Variants in HNF4G observed in about 807,000 individuals in gnomAD.
HNF4G encodes the protein hepatocyte nuclear factor 4-gamma.
Under a neutral mutation model 50.9 loss-of-function variants are expected in HNF4G, and 21 were observed. That is an observed-to-expected ratio of 0.41 (90% CI 0.29 to 0.59). The LOEUF (loss-of-function observed/expected upper bound fraction) is 0.59. Ranked by LOEUF, HNF4G falls within the 20% of genes least tolerant of loss-of-function variation. The pLI is 0.26. For synonymous variants in HNF4G, 198 were observed against 185.6 expected, an observed-to-expected ratio of 1.07 and a Z score of -0.54; for missense variants, 527 against 559.4, an observed-to-expected ratio of 0.94 and a Z score of 0.58.
chr8:75,445,440 T>G (rs1406331572), intron 1 of HNF4G, among the ~76,000 whole-genome samples: 1 of 10,434 alleles, frequency 9.6e-5, no homozygotes, highest in Non-Finnish European at 2.0e-4. Context: ...AGAGCAGAAC[T>G]GAAGGAAATA....
At chr8:75,546,965 G>T (rs2130794200) in intron 2 of HNF4G, among the ~76,000 whole-genome samples, 1 of 152,226 alleles carries the variant, frequency 6.6e-6, no homozygotes, top group Middle Eastern at 3.4e-3. Context: ...CAAAGCAGCT[G>T]CATCATTTAA....
At chr8:75,497,754 G>C (rs781276097) in intron 2 of HNF4G, among the ~76,000 whole-genome samples, 3 of 151,634 alleles carry the variant, frequency 2.0e-5, no homozygotes, top group African/African-American at 7.3e-5. Context: ...ATCATTATAA[G>C]ATTCCTAGAA....
At chr8:75,508,713 C>T (rs145939498) in intron 2 of HNF4G, among the ~76,000 whole-genome samples, 1 of 152,196 alleles carries the variant, frequency 6.6e-6, no homozygotes, top group East Asian at 1.9e-4. Flanking sequence ...GGAGCCGTAA[C>T]CACGTAGGCA....
At chr8:75,411,710 C>T (rs573130848) in intron 1 of HNF4G, among the ~76,000 whole-genome samples, 2 of 152,196 alleles carry the variant, frequency 1.3e-5, no homozygotes, top group South Asian at 2.1e-4. Context: ...TGGGAAGCTG[C>T]GTGGTGTATA....
At chr8:75,484,681 A>G (rs773186022) in intron 1 of HNF4G, among the ~76,000 whole-genome samples, 11 of 152,342 alleles carry the variant, frequency 7.2e-5, no homozygotes, top group East Asian at 3.9e-4. Context: ...GTCCTCCCCA[A>G]TAGACTATCA....
chr8:75,522,954 C>T (rs183248179), intron 2 of HNF4G, among the ~76,000 whole-genome samples: 32 of 152,106 alleles, frequency 2.1e-4, no homozygotes, highest in African/African-American at 6.5e-4. Context: ...AGGCCAGACG[C>T]GGTGGTTCAT....
intron 2 of HNF4G, among the ~76,000 whole-genome samples, chr8:75,502,770 G>A (rs551233102): frequency 1.1e-4 from 16 of 152,144 alleles, no homozygotes; most frequent in Admixed American, 8.5e-4. Context: ...TATACCTTTC[G>A]CTCAGAAATT....
intron 1 of HNF4G, among the ~76,000 whole-genome samples, chr8:75,408,410 G>A (rs1810415416): frequency 6.6e-6 from 1 of 152,132 alleles, no homozygotes; most frequent in Admixed American, 6.5e-5. Flanking sequence ...GATGTTCGTG[G>A]ACCCTGGAGG....
chr8:75,458,239 A>G (rs1461205212), intron 1 of HNF4G, among the ~76,000 whole-genome samples: 1 of 152,156 alleles, frequency 6.6e-6, no homozygotes, highest in Non-Finnish European at 1.5e-5. Flanking sequence ...ATAAGGAAAT[A>G]GATAAGAGAG....
At chr8:75,423,270 C>T (rs1810813076) in intron 1 of HNF4G, among the ~76,000 whole-genome samples, 1 of 151,844 alleles carries the variant, frequency 6.6e-6, no homozygotes, top group South Asian at 2.1e-4. Flanking sequence ...CTTAGCTCTG[C>T]CCTTAATAAC....
chr8:75,565,516 T>C lies in HNF4G; in HGVS notation c.*1420T>C, dbSNP rs1807438357. On this transcript the variant is annotated 3_prime_UTR_variant, in exon 10 of 10. Transcript: ENST00000396423. Reference sequence around the variant, plus strand: ...ATTCTAGACTGAGGAGTAGAGTTCATTGGAGTCTTAAACTCTCTGATATCA... The same window carrying C: ...ATTCTAGACTGAGGAGTAGAGTTCACTGGAGTCTTAAACTCTCTGATATCA... The C allele has an allele frequency of 1.3e-5, 2 of 152,132 alleles. No individual in the cohort carries two copies. Among genetic ancestry groups the C allele is most frequent in the Non-Finnish European group, 2.9e-5 (2 of 68,024 alleles). The allele number at this position is 152,132 out of a possible 1,614,324, so 9.4% of individuals were successfully genotyped here. A position where few individuals can be genotyped will look rare whatever the true frequency, so the allele number is the denominator to read the frequency against.
At chr8:75,551,593 TACTAAAA>T in intron 4 of HNF4G, 99 bp downstream of exon 4, 1 of 693,942 alleles carries the variant, frequency 1.4e-6, no homozygotes, top group South Asian at 1.8e-5. Context: ...AGGTGCTCAT[TACTAAAA>T]TAAGTTACAT....
chr8:75,541,185 G>A, intron 1 of HNF4G, among the ~76,000 whole-genome samples: 1 of 151,950 alleles, frequency 6.6e-6, no homozygotes, highest in Admixed American at 6.6e-5. Flanking sequence ...ATTAAGAAAT[G>A]GTAGGGACAT....
intron 1 of HNF4G, among the ~76,000 whole-genome samples, chr8:75,415,609 G>C (rs1405696931): frequency 6.6e-6 from 1 of 152,202 alleles, no homozygotes; most frequent in Non-Finnish European, 1.5e-5. Context: ...AGTTTATAGA[G>C]TGTTTTTATA....
chr8:75,460,411 T>A (rs1708562972), intron 1 of HNF4G, among the ~76,000 whole-genome samples: 1 of 152,218 alleles, frequency 6.6e-6, no homozygotes, highest in Non-Finnish European at 1.5e-5. Context: ...CCAAACCAGC[T>A]GAAGGTGCTT....
intron 1 of HNF4G, among the ~76,000 whole-genome samples, chr8:75,441,797 G>C (rs973107863): frequency 6.6e-6 from 1 of 152,120 alleles, no homozygotes; most frequent in Non-Finnish European, 1.5e-5. Flanking sequence ...AACAATCAGC[G>C]AACTGGCTTG....
At chr8:75,505,043 C>T (rs1019355939) in intron 2 of HNF4G, among the ~76,000 whole-genome samples, 2 of 152,152 alleles carry the variant, frequency 1.3e-5, no homozygotes, top group African/African-American at 2.4e-5. Flanking sequence ...TTTTAACACT[C>T]ATGAGTATCA....
chr8:75,429,688 T>G (rs1810961622), intron 1 of HNF4G, among the ~76,000 whole-genome samples: 1 of 152,124 alleles, frequency 6.6e-6, no homozygotes, highest in African/African-American at 2.4e-5. Flanking sequence ...GCTCTGTGTT[T>G]TGTTCCTTTT....
intron 1 of HNF4G, among the ~76,000 whole-genome samples, chr8:75,486,561 C>G (rs1388002985): frequency 1.3e-5 from 2 of 152,150 alleles, no homozygotes; most frequent in African/African-American, 4.8e-5. Flanking sequence ...GTAATAATTA[C>G]TATAGTTCTT....
Sources: allele counts gnomAD v4.1 joint callset (sites outside exome capture counted in the v4.1 genomes callset), GRCh38; gene constraint gnomAD v4.1.1; transcripts MANE v1.5; gene names NCBI Gene and HGNC (gene_info 2026-07-23, HGNC 2026-07-21).